PDE4D: variants seen among roughly 807,000 people sequenced by gnomAD.
PDE4D encodes the protein 3',5'-cyclic-AMP phosphodiesterase 4D.
Under a neutral mutation model 87.4 loss-of-function variants are expected in PDE4D, and 24 were observed. That is an observed-to-expected ratio of 0.27 (90% confidence interval 0.20 to 0.39). The LOEUF (loss-of-function observed/expected upper bound fraction) is 0.39. Ranked by LOEUF, PDE4D falls within the 10% of genes least tolerant of loss-of-function variation. The pLI is 1.00. For missense variants in PDE4D, 714 were observed against 1,041.0 expected (o/e 0.69, Z 4.32); for synonymous variants, 384 against 383.2 (o/e 1.00, Z -0.02).
chr5:59,375,620 A>G (rs1784583168), intron 1 of PDE4D, among the ~76,000 whole-genome samples: 1 of 152,116 alleles, frequency 6.6e-6, no homozygotes, highest in Non-Finnish European at 1.5e-5. Flanking sequence ...CAAAGAAGAG[A>G]TGGTACCATT....
chr5:60,449,883 T>A (rs1175337659), intron 1 of PDE4D, among the ~76,000 whole-genome samples: 1 of 147,402 alleles, frequency 6.8e-6, no homozygotes, highest in African/African-American at 2.6e-5. Context: ...TAAAGTATGA[T>A]AATAATAAAT....
chr5:60,378,479 G>C (rs1056949878), intron 1 of PDE4D, among the ~76,000 whole-genome samples: 1 of 152,060 alleles, frequency 6.6e-6, no homozygotes, highest in African/African-American at 2.4e-5. Flanking sequence ...CACAAATTTT[G>C]CTCTGTTTGG....
intron 1 of PDE4D, among the ~76,000 whole-genome samples, chr5:59,395,024 G>C (rs565890229): frequency 1.6e-4 from 25 of 152,228 alleles, no homozygotes; most frequent in African/African-American, 5.1e-4. Flanking sequence ...CTTTTCCGAC[G>C]GGCTTAAAAA....
At chr5:60,416,969 A>T (rs112908352) in intron 1 of PDE4D, among the ~76,000 whole-genome samples, 3 of 152,170 alleles carry the variant, frequency 2.0e-5, no homozygotes, top group Admixed American at 2.0e-4. Context: ...GACTAATCAC[A>T]CTGTGCGATT....
intron 1 of PDE4D, among the ~76,000 whole-genome samples, chr5:59,255,091 C>T (rs371583790): frequency 9.2e-5 from 14 of 152,230 alleles, no homozygotes; most frequent in East Asian, 7.7e-4. Context: ...AATATATGCA[C>T]ACACAAAATC....
intron 1 of PDE4D, among the ~76,000 whole-genome samples, chr5:59,569,250 T>C (rs1254541298): frequency 6.6e-6 from 1 of 152,180 alleles, no homozygotes; most frequent in Non-Finnish European, 1.5e-5. Context: ...TATATTATCA[T>C]TAATTAGAGC....
In PDE4D at chr5:60,076,371, G is replaced by A. The variant is rs544513224; in HGVS notation, c.43-87654C>T. 2.0e-5 allele frequency among the ~76,000 whole-genome samples: 3 copies of A among 152,100 alleles called. No homozygotes were observed. The East Asian group carries it at 5.8e-4, about 29-fold the overall frequency. On this transcript the variant is annotated intron_variant, in intron 2 of 16. Coordinates refer to the PDE4D transcript ENST00000502484. ...GATGGGGTTTCACCATGTTGGCCAG[G>A]GTGGTCTTGATATCTTGACCTCGTG... is the stretch of plus-strand genomic sequence containing the variant.
chr5:59,404,670 A>G (rs1206403014), intron 1 of PDE4D, among the ~76,000 whole-genome samples: 1 of 151,050 alleles, frequency 6.6e-6, no homozygotes, highest in Non-Finnish European at 1.5e-5. Flanking sequence ...TGTCTAAAAA[A>G]AAAAAAAAAA....
chr5:59,141,712 G>A (rs1777913955), intron 5 of PDE4D, among the ~76,000 whole-genome samples: 1 of 152,122 alleles, frequency 6.6e-6, no homozygotes, highest in Admixed American at 6.5e-5. Flanking sequence ...TAATGTATTA[G>A]GCATGTGAAA....
chr5:59,715,818 G>T (rs899298596), intron 1 of PDE4D, among the ~76,000 whole-genome samples: 1 of 152,204 alleles, frequency 6.6e-6, no homozygotes, highest in Non-Finnish European at 1.5e-5. Flanking sequence ...AAGTAAATTC[G>T]GGTAACATCA....
intron 6 of PDE4D, among the ~76,000 whole-genome samples, chr5:59,011,100 TAACA>T (rs1055627827): frequency 1.6e-4 from 24 of 152,092 alleles, no homozygotes; most frequent in Admixed American, 2.6e-4. Flanking sequence ...GAAGGAAAAC[TAACA>T]AACAGAAAGG....
At chr5:59,635,169 C>A (rs1832074719) in intron 1 of PDE4D, among the ~76,000 whole-genome samples, 1 of 152,060 alleles carries the variant, frequency 6.6e-6, no homozygotes, top group African/African-American at 2.4e-5. Flanking sequence ...ACACATACAC[C>A]TTCCTAAGAC....
intron 1 of PDE4D, among the ~76,000 whole-genome samples, chr5:59,734,256 C>G (rs1345041648): frequency 6.6e-6 from 1 of 151,918 alleles, no homozygotes; most frequent in Non-Finnish European, 1.5e-5. Context: ...AGAAAAGAAC[C>G]AATAGGATAA....
intron 1 of PDE4D, among the ~76,000 whole-genome samples, chr5:59,260,498 T>TGCCAAAC: frequency 6.6e-6 from 1 of 151,842 alleles, no homozygotes; most frequent in East Asian, 1.9e-4. Context: ...TGGCATGAAT[T>TGCCAAAC]ACGAAAGCAA....
chr5:59,588,555 A>G (rs1197632129), intron 1 of PDE4D, among the ~76,000 whole-genome samples: 2 of 152,220 alleles, frequency 1.3e-5, no homozygotes, highest in Admixed American at 6.5e-5. Flanking sequence ...AGGTCCTGTC[A>G]TTGCAGAAAA....
At chr5:60,517,017 C>T (rs1583973830) in intron 1 of PDE4D, among the ~76,000 whole-genome samples, 1 of 152,314 alleles carries the variant, frequency 6.6e-6, no homozygotes, top group African/African-American at 2.4e-5. Context: ...GCCCAGGAAA[C>T]CCCCCTACCC....
intron 1 of PDE4D, among the ~76,000 whole-genome samples, chr5:59,614,636 T>C (rs1251552069): frequency 1.3e-5 from 2 of 152,190 alleles, no homozygotes; most frequent in African/African-American, 2.4e-5. Context: ...CAAGATTATG[T>C]ATTTTAAAGC....
chr5:59,114,694 A>G (rs888564334), intron 5 of PDE4D, among the ~76,000 whole-genome samples: 1 of 152,150 alleles, frequency 6.6e-6, no homozygotes, highest in Middle Eastern at 3.2e-3. Flanking sequence ...GAAAGAGTGT[A>G]CGACCTCATG....
At chr5:59,064,263 T>A (rs911568435) in intron 5 of PDE4D, among the ~76,000 whole-genome samples, 1 of 152,094 alleles carries the variant, frequency 6.6e-6, no homozygotes, top group Non-Finnish European at 1.5e-5. Flanking sequence ...TATTAAACTT[T>A]GCTAAAATAC....
Sources: gnomAD v4.1 joint callset for allele counts (sites outside exome capture counted in the v4.1 genomes callset) on GRCh38, gnomAD v4.1.1 for gene constraint, MANE v1.5 for transcripts, NCBI Gene and HGNC (gene_info 2026-07-23, HGNC 2026-07-21) for gene names.